CIB4: variants seen among roughly 807,000 people sequenced by gnomAD.
The protein encoded by CIB4 is calcium and integrin-binding family member 4.
In CIB4, 25 loss-of-function variants were observed where a neutral mutation model predicts 25.8. The observed-to-expected ratio is 0.97, with a 90% CI of 0.71 to 1.35. The LOEUF is 1.35. Among genes scored for constraint, CIB4 ranks in the 40% most tolerant of loss-of-function variants. CIB4 has a pLI of 0.00. For missense variants in CIB4, 235 were observed against 228.2 expected, an observed-to-expected ratio of 1.03 and a Z score of -0.19; for synonymous variants, 75 against 81.4, an observed-to-expected ratio of 0.92 and a Z score of 0.42.
chr2:26,595,895 GCGCACACACACACACA>G (rs1438308500), intron 3 of CIB4, among the ~76,000 whole-genome samples: 63 of 148,376 alleles, frequency 4.2e-4, no homozygotes, highest in South Asian at 1.7e-3. Context: ...ACTTATCTGC[GCGCACACACACACACA>G]CACACACACA....
chr2:26,631,431 A>T (rs1389332252), intron 2 of CIB4, among the ~76,000 whole-genome samples: 1 of 152,180 alleles, frequency 6.6e-6, no homozygotes, highest in Non-Finnish European at 1.5e-5. Context: ...CTGTGATCGC[A>T]CTACTGCACT....
chr2:26,616,905 A>G (rs1669103455), intron 3 of CIB4, among the ~76,000 whole-genome samples: 1 of 152,164 alleles, frequency 6.6e-6, no homozygotes, highest in Non-Finnish European at 1.5e-5. Flanking sequence ...GGGCCTCTTC[A>G]TAACAGGGAC....
In CIB4 at chr2:26,617,147, T is replaced by TGTGTGTGTGCGCGC. The variant is rs10665609; in HGVS notation, c.186+12262_186+12263insGCGCGCACACACAC. ...GTGTGTGTGTGTGTGTGTGTGTGTG[T>TGTGTGTGTGCGCGC]GCACGTGAGCGTGGGTGGGCATGAT... On this transcript the variant is annotated intron_variant, in intron 3 of 6. Transcript: ENST00000288861. Among the ~76,000 whole-genome samples, 1,036 of 150,500 alleles carry TGTGTGTGTGCGCGC rather than the reference T, an allele frequency of 6.9e-3. 7 individuals carry two copies. Among genetic ancestry groups the TGTGTGTGTGCGCGC allele is most frequent in the Admixed American group, 8.9e-3 (134 of 15,068 alleles).
intron 4 of CIB4, among the ~76,000 whole-genome samples, chr2:26,589,000 T>TTCTTCC (rs1668513039): frequency 1.5e-4 from 2 of 13,326 alleles, no homozygotes; most frequent in African/African-American, 4.5e-4. Flanking sequence ...CTTCTTCTTC[T>TTCTTCC]TCTTCTTCTT....
chr2:26,595,166 C>A lies in CIB4; in HGVS notation c.328+10G>T. 2 of 1,604,002 alleles carry A rather than the reference C, an allele frequency of 1.2e-6. No homozygotes were observed. The highest frequency in any genetic ancestry group is 2.2e-5 in the East Asian group (1 of 44,542). Reference sequence around the variant, plus strand: ...CCACCCCTCACCCCTCAGTCCCCCACAGCACCTACCATAGATGCGAAAGGC... The same window carrying A: ...CCACCCCTCACCCCTCAGTCCCCCAAAGCACCTACCATAGATGCGAAAGGC... On this transcript the variant is annotated intron_variant, in intron 4 of 6. Coordinates refer to ENST00000288861, the MANE Select transcript of CIB4 (RefSeq NM_001029881.3).
At chr2:26,595,619 C>T (rs926635412) in intron 3 of CIB4, among the ~76,000 whole-genome samples, 8 of 152,350 alleles carry the variant, frequency 5.3e-5, no homozygotes, top group African/African-American at 1.9e-4. Context: ...TGAAACCTCT[C>T]CTACTCTAAA....
intron 3 of CIB4, among the ~76,000 whole-genome samples, chr2:26,607,950 A>G (rs1428546425): frequency 6.6e-6 from 1 of 152,262 alleles, no homozygotes; most frequent in African/African-American, 2.4e-5. Context: ...AAAGGAGAGC[A>G]GCTCTGGCCG....
chr2:26,586,645 G>C (rs977477531), intron 4 of CIB4, among the ~76,000 whole-genome samples: 1 of 152,202 alleles, frequency 6.6e-6, no homozygotes, highest in African/African-American at 2.4e-5. Context: ...GAACTACCCA[G>C]GGTAACCATT....
intron 6 of CIB4, 70 bp from the exon 7 acceptor site, chr2:26,581,463 A>T: frequency 6.7e-7 from 1 of 1,497,344 alleles, no homozygotes; most frequent in Non-Finnish European, 9.3e-7. Flanking sequence ...CTGGGTTCAC[A>T]GTAGTCCTGG....
At position 26,584,940 on chromosome 2, in the gene CIB4, C is replaced by T. The variant is rs184571682; in HGVS notation, c.329-1042G>A. Among the ~76,000 whole-genome samples, 506 of 152,292 alleles carry T rather than the reference C, an allele frequency of 3.3e-3. 2 individuals carry two copies. The highest frequency in any genetic ancestry group is 0.014 in the Middle Eastern group (4 of 294). The stretch of plus-strand genomic sequence containing the variant: ...CCAGGGCCCCTGCCTTCCAGGACAG[C>T]GCTCAGAAGTGCCCACCCACCGTCC... On this transcript the variant is annotated intron_variant, in intron 4 of 6. Coordinates refer to ENST00000288861, the MANE Select transcript of CIB4 (RefSeq NM_001029881.3).
intron 4 of CIB4, among the ~76,000 whole-genome samples, chr2:26,588,640 C>A (rs950945074): frequency 5.9e-5 from 9 of 152,196 alleles, no homozygotes; most frequent in Non-Finnish European, 1.2e-4. Context: ...TTCACCGTGA[C>A]TTTTGTGAGA....
At position 26,629,053 on chromosome 2, in the gene CIB4, G is replaced by T. The variant is rs550794920; in HGVS notation, c.186+357C>A. Among the ~76,000 whole-genome samples the T allele has an allele frequency of 2.8e-4, 42 of 152,314 alleles. No homozygotes were observed. In the South Asian group the frequency reaches 8.5e-3, roughly 31 times the overall value. ...TCTAAAGACCCATAGGCTGGCCTCGGAGGCTGAGCAGCAGGGCCAGTGAGC... is the reference window on the plus strand; with the variant it reads ...TCTAAAGACCCATAGGCTGGCCTCGTAGGCTGAGCAGCAGGGCCAGTGAGC... On this transcript the variant is annotated intron_variant, in intron 3 of 6. Coordinates refer to ENST00000288861, the MANE Select transcript of CIB4 (RefSeq NM_001029881.3).
intron 4 of CIB4, among the ~76,000 whole-genome samples, chr2:26,589,478 T>C: frequency 6.6e-6 from 1 of 152,004 alleles, no homozygotes; most frequent in Admixed American, 6.6e-5. Flanking sequence ...CCTGCCACCA[T>C]GCCTAGCTAG....
At chr2:26,623,654 G>A in intron 3 of CIB4, 1 of 435,458 alleles carries the variant, frequency 2.3e-6, no homozygotes, top group African/African-American at 2.0e-5. Flanking sequence ...CTCTGTAACA[G>A]ATGGAATAAA....
chr2:26,589,104 CTTCCTCTTCT>C lies in CIB4; in HGVS notation c.329-5216_329-5207del, dbSNP rs1558555108. Among the ~76,000 whole-genome samples the C allele has an allele frequency of 1.4e-4, 15 of 110,024 alleles. 1 individual carries two copies. The highest frequency in any genetic ancestry group is 3.0e-4 in the South Asian group (1 of 3,348). 72.2% of individuals were successfully genotyped at this position (110,024 alleles called of 152,430 possible). On this transcript the variant is annotated intron_variant, in intron 4 of 6. Transcript: ENST00000288861. ...TCTTCTTCTTCTTCTTCTTCTTCTT[CTTCCTCTTCT>C]TCTTCTTCTTCTTCTTCTTCTTCTT...
chr2:26,613,191 G>A (rs1669029236), intron 3 of CIB4, among the ~76,000 whole-genome samples: 1 of 152,150 alleles, frequency 6.6e-6, no homozygotes, highest in Non-Finnish European at 1.5e-5. Flanking sequence ...CCTGGAGCTT[G>A]CTTTCTCTCG....
At chr2:26,640,010 C>T (rs1377032690) in intron 2 of CIB4, among the ~76,000 whole-genome samples, 1 of 150,780 alleles carries the variant, frequency 6.6e-6, no homozygotes, top group African/African-American at 2.4e-5. Context: ...CACTGGACAG[C>T]GGTCCGCATG....
intron 2 of CIB4, among the ~76,000 whole-genome samples, chr2:26,634,844 C>T (rs1280536153): frequency 6.6e-6 from 1 of 152,230 alleles, no homozygotes; most frequent in East Asian, 1.9e-4. Context: ...GCTTCAGGCT[C>T]CTAAACCAGA....
At chr2:26,641,180 C>G (rs1669628657) in intron 1 of CIB4, 81 bp downstream of exon 1, 4 of 1,218,682 alleles carry the variant, frequency 3.3e-6, no homozygotes, top group Middle Eastern at 1.9e-4. Flanking sequence ...GCTAGAGCGT[C>G]AGGAAGGAAT....
Sources: allele counts gnomAD v4.1 joint callset (sites outside exome capture counted in the v4.1 genomes callset), GRCh38; gene constraint gnomAD v4.1.1; transcripts MANE v1.5; gene names NCBI Gene and HGNC (gene_info 2026-07-23, HGNC 2026-07-21).